ROR1: variants seen among roughly 807,000 people sequenced by gnomAD.
ROR1 encodes the protein inactive tyrosine-protein kinase transmembrane receptor ROR1.
Under a neutral mutation model 78.8 loss-of-function variants are expected in ROR1, and 19 were observed. That is an observed-to-expected ratio of 0.24 (90% confidence interval 0.17 to 0.35). The LOEUF (loss-of-function observed/expected upper bound fraction) is 0.35. Among genes scored for constraint, ROR1 ranks in the 10% least tolerant of loss-of-function variants. The pLI is 1.00. For missense variants in ROR1, 917 were observed against 1,177.8 expected (o/e 0.78, Z 3.24); for synonymous variants, 386 against 433.6 (o/e 0.89, Z 1.36).
At chr1:63,947,833 C>A (rs1298959263) in intron 1 of ROR1, among the ~76,000 whole-genome samples, 1 of 152,124 alleles carries the variant, frequency 6.6e-6, no homozygotes, top group Non-Finnish European at 1.5e-5. Context: ...TATCCTCCAC[C>A]CTTTAGGATT....
intron 3 of ROR1, 43 bp downstream of exon 3, chr1:64,050,021 A>T (rs1166712471): frequency 1.4e-5 from 23 of 1,602,960 alleles, no homozygotes; most frequent in Non-Finnish European, 1.8e-5. Context: ...CCCTCAGCCC[A>T]ATGTGGTAGG....
chr1:63,869,005 G>T (rs1287163399), intron 1 of ROR1, among the ~76,000 whole-genome samples: 13 of 152,090 alleles, frequency 8.5e-5, no homozygotes, highest in Admixed American at 7.9e-4. Flanking sequence ...GCTTTCTTTT[G>T]TTGTCCCCCA....
intron 1 of ROR1, among the ~76,000 whole-genome samples, chr1:63,998,632 A>G (rs1236552327): frequency 6.6e-6 from 1 of 152,190 alleles, no homozygotes; most frequent in African/African-American, 2.4e-5. Flanking sequence ...TGTAAACTAG[A>G]AAGACAAAAG....
chr1:64,094,206 A>G (rs576387705), intron 4 of ROR1, among the ~76,000 whole-genome samples: 2 of 152,270 alleles, frequency 1.3e-5, no homozygotes, highest in South Asian at 2.1e-4. Flanking sequence ...TTCTATGTCT[A>G]TTGCAAGCAT....
At chr1:64,103,792 CT>C (rs1226526059) in intron 4 of ROR1, among the ~76,000 whole-genome samples, 1 of 151,424 alleles carries the variant, frequency 6.6e-6, no homozygotes, top group African/African-American at 2.4e-5. Context: ...CTCACTTCAC[CT>C]TAAAAAAAAA....
intron 1 of ROR1, among the ~76,000 whole-genome samples, chr1:63,932,868 T>G (rs1323512098): frequency 3.9e-5 from 6 of 152,142 alleles, no homozygotes; most frequent in Non-Finnish European, 7.4e-5. Context: ...GCTTGAAGAC[T>G]GGAACTGGGT....
At chr1:63,898,084 T>C (rs1236904380) in intron 1 of ROR1, among the ~76,000 whole-genome samples, 4 of 152,194 alleles carry the variant, frequency 2.6e-5, no homozygotes, top group East Asian at 1.9e-4. Context: ...GAAATGTAGA[T>C]CCTTGCTGGT....
At chr1:63,956,006 G>A (rs1161476986) in intron 1 of ROR1, among the ~76,000 whole-genome samples, 1 of 152,158 alleles carries the variant, frequency 6.6e-6, no homozygotes, top group Non-Finnish European at 1.5e-5. Context: ...TGCACCTGGT[G>A]ACTCGCTCTG....
chr1:63,917,857 C>T (rs1314963858), intron 1 of ROR1, among the ~76,000 whole-genome samples: 1 of 152,154 alleles, frequency 6.6e-6, no homozygotes, highest in African/African-American at 2.4e-5. Flanking sequence ...GACAGGGCCT[C>T]TGCAGGCTCA....
chr1:63,950,063 C>T lies in ROR1; in HGVS notation c.92-59242C>T, dbSNP rs942839747. Among the ~76,000 whole-genome samples, 5 of 152,130 alleles carry T rather than the reference C, an allele frequency of 3.3e-5. No individual in the cohort carries two copies. In the South Asian group the frequency reaches 8.3e-4, roughly 25 times the overall value. On this transcript the variant is annotated intron_variant, in intron 1 of 8. Coordinates refer to ENST00000371079, the MANE Select transcript of ROR1 (RefSeq NM_005012.4). ...AGAATCACCTGAGGTGCTTGTTAAA[C>T]ACAGGGAATGTCCTGATAGCCTCTG...
intron 1 of ROR1, among the ~76,000 whole-genome samples, chr1:63,935,385 G>A (rs1179607890): frequency 1.3e-5 from 2 of 152,172 alleles, no homozygotes; most frequent in African/African-American, 2.4e-5. Context: ...CCTGTGCCAA[G>A]GTACAGCTAA....
Position 64,179,166 on chromosome 1 carries a change from T to C in ROR1, c.*311T>C, listed in dbSNP as rs1380529663. On this transcript the variant is annotated 3_prime_UTR_variant, in exon 9 of 9. Transcript: ENST00000371079. The stretch of plus-strand genomic sequence containing the variant: ...AAACCAGTGAAGAGGAAAAGAACCT[T>C]GTGATTAAATATAAAACCAAAAGTC... The C allele has an allele frequency of 4.0e-6, 1 of 247,460 alleles. No individual in the cohort carries two copies. The highest frequency in any genetic ancestry group is 2.3e-5 in the African/African-American group (1 of 43,864). The allele number at this position is 247,460 out of a possible 1,614,324, so 15.3% of individuals were successfully genotyped here.
chr1:64,145,657 A>T (rs781184381), intron 7 of ROR1, among the ~76,000 whole-genome samples: 3 of 152,106 alleles, frequency 2.0e-5, no homozygotes, highest in Non-Finnish European at 2.9e-5. Context: ...TTTCCGTGTT[A>T]TTTTCAACAG....
intron 1 of ROR1, among the ~76,000 whole-genome samples, chr1:63,930,086 G>T (rs180955786): frequency 6.6e-6 from 1 of 152,080 alleles, no homozygotes; most frequent in South Asian, 2.1e-4. Context: ...ATCTACATTA[G>T]ATATTTCTCC....
At chr1:63,997,830 T>C (rs1289397190) in intron 1 of ROR1, among the ~76,000 whole-genome samples, 1 of 78,948 alleles carries the variant, frequency 1.3e-5, no homozygotes, top group Admixed American at 1.6e-4. Flanking sequence ...CTATGATTAG[T>C]GTTTTTTTTT....
At chr1:63,887,691 T>C (rs1645366597) in intron 1 of ROR1, among the ~76,000 whole-genome samples, 1 of 152,160 alleles carries the variant, frequency 6.6e-6, no homozygotes, top group Non-Finnish European at 1.5e-5. Context: ...GTTACAGTTC[T>C]TTGGGGACTG....
intron 1 of ROR1, among the ~76,000 whole-genome samples, chr1:63,999,569 C>T (rs1646366561): frequency 6.6e-6 from 1 of 152,080 alleles, no homozygotes. Flanking sequence ...CTCTGTGTTC[C>T]TACCAGAAAA....
intron 1 of ROR1, among the ~76,000 whole-genome samples, chr1:63,995,744 T>A (rs1646331763): frequency 6.6e-6 from 1 of 152,090 alleles, no homozygotes; most frequent in Non-Finnish European, 1.5e-5. Context: ...CAAAATATAG[T>A]GTCTTAAAAC....
intron 1 of ROR1, among the ~76,000 whole-genome samples, chr1:63,999,668 AGG>A (rs1646367230): frequency 6.6e-6 from 1 of 152,226 alleles, no homozygotes; most frequent in Non-Finnish European, 1.5e-5. Context: ...GGAACAGAAT[AGG>A]TGCTCAATAA....
Sources: allele counts gnomAD v4.1 joint callset (sites outside exome capture counted in the v4.1 genomes callset), GRCh38; gene constraint gnomAD v4.1.1; transcripts MANE v1.5; gene names NCBI Gene and HGNC (gene_info 2026-07-23, HGNC 2026-07-21).